MYLK: variants seen among roughly 807,000 people sequenced by gnomAD.
MYLK encodes the protein myosin light chain kinase.
MYLK carries 106 observed loss-of-function variants against 203.4 expected under a neutral mutation model. That is an observed-to-expected ratio of 0.52 (90% confidence interval 0.45 to 0.61). The LOEUF is 0.61. Among genes scored for constraint, MYLK ranks in the 20% least tolerant of loss-of-function variants. The pLI is 0.00. For synonymous variants in MYLK, 867 were observed against 959.5 expected, an observed-to-expected ratio of 0.90 and a Z score of 1.78; for missense variants, 2,072 against 2,442.3, an observed-to-expected ratio of 0.85 and a Z score of 3.20.
At chr3:123,670,122 G>T (rs570361632) in intron 20 of MYLK, among the ~76,000 whole-genome samples, 1 of 151,098 alleles carries the variant, frequency 6.6e-6, no homozygotes, top group South Asian at 2.1e-4. Flanking sequence ...AATTTTTCAT[G>T]CTATTTTTAC....
Position 123,614,070 on chromosome 3 carries a change from ATATGAC to A in MYLK, c.*29_*34del, listed in dbSNP as rs2057328690. The A allele has an allele frequency of 6.2e-7, 1 of 1,601,832 alleles. No individual in the cohort carries two copies. The stretch of plus-strand genomic sequence containing the variant: ...GAGTTTTAGAGAAATAGTCCTTTTA[ATATGAC>A]TTAGAAACTGCTTTTCTCTGGCTTT... On this transcript the variant is annotated 3_prime_UTR_variant, in exon 34 of 34. Transcript: ENST00000360304.
rs1192127433 is a variant in MYLK at position 123,614,629 on chromosome 3, G to GT, written c.5501-281dup. ...CACCTATTAAAAAACTTATTTAATAGTTTTTTTATTTTTTTAAAGTGATGA... is the reference window on the plus strand; with the variant it reads ...CACCTATTAAAAAACTTATTTAATAGTTTTTTTTATTTTTTTAAAGTGATGA... On this transcript the variant is annotated intron_variant, in intron 33 of 33. Transcript: ENST00000360304. Among the ~76,000 whole-genome samples, 7 of 152,206 alleles carry GT rather than the reference G, an allele frequency of 4.6e-5. No homozygotes were observed. The East Asian group carries it at 7.7e-4, about 17-fold the overall frequency.
rs199652720 is a variant in MYLK at position 123,873,808 on chromosome 3, A to AT, written c.-127+2750dup. On this transcript the variant is annotated intron_variant, in intron 2 of 33. Coordinates refer to ENST00000360304, the MANE Select transcript of MYLK (RefSeq NM_053025.4). ...TTTGCTGTACTTTATTCTGATTTAA[A>AT]TTTTTAAAAATCCATTAAAATACTA... is the stretch of plus-strand genomic sequence containing the variant. Among the ~76,000 whole-genome samples the AT allele has an allele frequency of 6.0e-5, 9 of 148,928 alleles. No homozygotes were observed. The East Asian group carries it at 2.0e-3, about 34-fold the overall frequency.
chr3:123,708,290 T>C (rs921216298), intron 15 of MYLK, among the ~76,000 whole-genome samples: 1 of 152,234 alleles, frequency 6.6e-6, no homozygotes, highest in African/African-American at 2.4e-5. Context: ...CTGTATCCAA[T>C]GCGTGTGATT....
chr3:123,831,449 T>C, intron 3 of MYLK, 99 bp downstream of exon 3: 5 of 1,289,000 alleles, frequency 3.9e-6, no homozygotes, highest in Non-Finnish European at 5.1e-6. Context: ...CAGTCTCTTC[T>C]GGGCACCTAG....
intron 13 of MYLK, among the ~76,000 whole-genome samples, chr3:123,718,354 G>A (rs1333548428): frequency 6.6e-6 from 1 of 152,164 alleles, no homozygotes; most frequent in Non-Finnish European, 1.5e-5. Context: ...AGTATGACGT[G>A]ATCCCTCCCT....
At chr3:123,849,197 A>C (rs550296229) in intron 2 of MYLK, among the ~76,000 whole-genome samples, 6 of 152,018 alleles carry the variant, frequency 3.9e-5, no homozygotes, top group Non-Finnish European at 8.8e-5. Context: ...GCTGGTCTCA[A>C]ATTTCTGAGC....
At chr3:123,686,293 G>C (rs1451887275) in intron 19 of MYLK, among the ~76,000 whole-genome samples, 2 of 151,968 alleles carry the variant, frequency 1.3e-5, no homozygotes, top group African/African-American at 4.8e-5. Flanking sequence ...TCTACATTGA[G>C]AGGAAAATGT....
At chr3:123,709,329 G>A in intron 14 of MYLK, 1 of 250,410 alleles carries the variant, frequency 4.0e-6, no homozygotes. Context: ...TTTTAGTAGA[G>A]ACAGGGTTTC....
intron 4 of MYLK, among the ~76,000 whole-genome samples, chr3:123,784,361 T>C (rs115730854): frequency 0.025 from 3,682 of 149,822 alleles, 178 homozygotes; most frequent in African/African-American, 0.085. Flanking sequence ...CAAATACGGC[T>C]CATGGGTTGA....
intron 3 of MYLK, among the ~76,000 whole-genome samples, chr3:123,813,795 G>T (rs571823789): frequency 2.0e-5 from 3 of 152,126 alleles, no homozygotes; most frequent in Non-Finnish European, 1.5e-5. Context: ...ACAGGCATGA[G>T]CCACCATGCC....
rs746690413 is a variant in MYLK, at chr3:123,649,191, G to T, written c.4292C>A (p.Pro1431Gln). 6.2e-7 allele frequency: 1 copy of T among 1,612,064 alleles called. No homozygotes were observed. Among genetic ancestry groups the T allele is most frequent in the African/African-American group, 1.3e-5 (1 of 74,778 alleles). The change falls in exon 25 of 34, where the codon CCG (proline) becomes CAG (glutamine). Residue 1431 changes from proline (P) to glutamine (Q), a missense_variant. Coordinates refer to ENST00000360304, the MANE Select transcript of MYLK (RefSeq NM_053025.4). ...LTTVGEKPEE[P>Q]KDEVEVSDDD... The stretch of plus-strand genomic sequence containing the variant: ...ATCTGACACCTCCACTTCATCCTTC[G>T]GCTCTGGGGGGGGCACAAGGAAGGA...
intron 2 of MYLK, among the ~76,000 whole-genome samples, chr3:123,876,058 T>C (rs1316464432): frequency 1.3e-5 from 2 of 152,034 alleles, no homozygotes; most frequent in African/African-American, 4.8e-5. Flanking sequence ...GTGCCAAAAA[T>C]GTCAAAATTG....
chr3:123,779,477 T>A lies in MYLK; in HGVS notation c.165+14200A>T, dbSNP rs187543721. On this transcript the variant is annotated intron_variant, in intron 4 of 33. Coordinates refer to ENST00000360304, the MANE Select transcript of MYLK (RefSeq NM_053025.4). ...CATTTGGTGGCCGGGTTGAGCCAAG[T>A]TCTTCACACTCCACAGACAACCTCC... is the stretch of plus-strand genomic sequence containing the variant. Among the ~76,000 whole-genome samples, 5 of 152,340 alleles carry A rather than the reference T, an allele frequency of 3.3e-5. No homozygotes were observed. The East Asian group carries it at 9.6e-4, about 29-fold the overall frequency.
rs752679720 is a variant in MYLK at position 123,738,976 on chromosome 3, A to G, written c.509T>C (p.Val170Ala). 33 of 1,613,450 alleles carry G rather than the reference A, an allele frequency of 2.0e-5. No homozygotes were observed. The highest frequency in any genetic ancestry group is 2.0e-4 in the East Asian group (9 of 44,880). ...PPKFATKLGR[V>A]VVKEGQMGRF... Reference sequence around the variant, plus strand: ...TCCCATCTGTCCTTCTTTGACCACAACTCGGCCCAGCTTGGTAGCAAACTT... The same window carrying G: ...TCCCATCTGTCCTTCTTTGACCACAGCTCGGCCCAGCTTGGTAGCAAACTT... The change falls in exon 7 of 34, where the codon GTT (valine) becomes GCT (alanine). Residue 170 changes from valine (V) to alanine (A), a missense_variant. By Grantham distance (64) the Val-to-Ala change is moderately conservative. Coordinates refer to ENST00000360304, the MANE Select transcript of MYLK (RefSeq NM_053025.4).
intron 19 of MYLK, among the ~76,000 whole-genome samples, chr3:123,682,897 C>T (rs1347722163): frequency 1.3e-5 from 2 of 152,208 alleles, no homozygotes; most frequent in African/African-American, 4.8e-5. Flanking sequence ...TCTGCTAGAC[C>T]TCCCCCAACA....
intron 1 of MYLK, among the ~76,000 whole-genome samples, chr3:123,883,499 A>C (rs962461931): frequency 3.9e-5 from 6 of 152,224 alleles, no homozygotes; most frequent in Admixed American, 6.5e-5. Flanking sequence ...TCACATCTGC[A>C]ATGCCACTCC....
chr3:123,645,283 G>A (rs192256869), intron 27 of MYLK, among the ~76,000 whole-genome samples: 290 of 152,292 alleles, frequency 1.9e-3, no homozygotes, highest in Middle Eastern at 0.017. Context: ...AAGCAGAGCT[G>A]GGATTTGAAG....
intron 4 of MYLK, among the ~76,000 whole-genome samples, chr3:123,788,888 C>G (rs890122788): frequency 4.6e-5 from 7 of 152,142 alleles, no homozygotes; most frequent in Admixed American, 4.6e-4. Flanking sequence ...TCAAGAGACA[C>G]TAAAGTATTA....
Sources: allele counts gnomAD v4.1 joint callset (sites outside exome capture counted in the v4.1 genomes callset), GRCh38; gene constraint gnomAD v4.1.1; transcripts MANE v1.5; gene names NCBI Gene and HGNC (gene_info 2026-07-23, HGNC 2026-07-21).